The following TPM2 variants were observed in gnomAD, a reference collection of about 807,000 sequenced individuals.
TPM2 encodes tropomyosin 2, also known as tropomyosin beta chain.
A neutral mutation model predicts 41.0 loss-of-function variants in TPM2; 26 were observed. The observed-to-expected ratio is 0.63, with a 90% confidence interval of 0.46 to 0.88. The LOEUF is 0.88. Among genes scored for constraint, TPM2 ranks in the 40% least tolerant of loss-of-function variants. The pLI is 0.00. For missense variants in TPM2, 187 were observed against 355.2 expected (o/e 0.53, Z 3.81); for synonymous variants, 143 against 139.3 (o/e 1.03, Z -0.19).
chr9:35,683,388 C>A, intron 8 of TPM2, 147 bp from the exon 9 acceptor site: 1 of 780,942 alleles, frequency 1.3e-6, no homozygotes, highest in Non-Finnish European at 2.1e-6. Flanking sequence ...AGGGAACAGG[C>A]TGGACAGCTG....
intron 8 of TPM2, among the ~76,000 whole-genome samples, chr9:35,683,582 T>C (rs985964206): frequency 6.6e-6 from 1 of 152,106 alleles, no homozygotes; most frequent in African/African-American, 2.4e-5. Flanking sequence ...GCAAACCTCC[T>C]AAAGCTGGAG....
intron 1 of TPM2, 171 bp downstream of exon 1, chr9:35,689,533 A>T (rs1161571044): frequency 1.2e-6 from 1 of 822,276 alleles, no homozygotes; most frequent in African/African-American, 1.8e-5. Flanking sequence ...AGGCTATTGT[A>T]GGGGAGAGAA....
At chr9:35,688,468 T>C (rs1365993637) in intron 2 of TPM2, among the ~76,000 whole-genome samples, 2 of 152,064 alleles carry the variant, frequency 1.3e-5, no homozygotes, top group Non-Finnish European at 2.9e-5. Flanking sequence ...GGAAGTGAAG[T>C]CTGGTTGGGG....
chr9:35,689,707 C>T lies in TPM2; in HGVS notation c.111G>A (p.Lys37=). 1.2e-6 allele frequency: 2 copies of T among 1,613,470 alleles called. No homozygotes were observed. The highest frequency in any genetic ancestry group is 1.7e-6 in the Non-Finnish European group (2 of 1,179,742). The part of the protein sequence containing the change: ...ADKKQAEDRC[K]QLEEEQQALQ... ...CTGCACTGGGCCCGGCCCTAACCTG[C>T]TTGCAGCGGTCCTCAGCTTGCTTCT... is the stretch of plus-strand genomic sequence containing the variant. Residue 37 remains lysine (K), a synonymous_variant, in exon 1 of 9, where the codon AAG becomes AAA. Coordinates refer to ENST00000645482, the MANE Select transcript of TPM2 (RefSeq NM_003289.4).
At position 35,685,856 on chromosome 9, in the gene TPM2, G is replaced by A. The variant is rs537567909; in HGVS notation, c.241-76C>T. 31 of 1,607,380 alleles carry A rather than the reference G, an allele frequency of 1.9e-5. No individual in the cohort carries two copies. The highest frequency in any genetic ancestry group is 1.3e-4 in the South Asian group (12 of 90,850). On this transcript the variant is annotated intron_variant, in intron 2 of 8. Coordinates refer to ENST00000645482, the MANE Select transcript of TPM2 (RefSeq NM_003289.4). This position sits in a 1 kb window ranked among gnomAD's most constrained non-coding sequence, Gnocchi z 5.0. ...GATCAGAGAGGCTCCAGAGGATGGC[G>A]AGATTCTTCTCAGAAAGAACTGAGG...
At chr9:35,682,181 A>T, downstream of TPM2, 1 of 1,613,876 alleles carries the variant, frequency 6.2e-7, no homozygotes, top group Non-Finnish European at 8.5e-7. Context: ...GGGAAGCAGC[A>T]GGTGAGGGAG....
At position 35,685,092 on chromosome 9, in the gene TPM2, A is replaced by C. The variant is rs1824815076; in HGVS notation, c.563+177T>G. The C allele has an allele frequency of 6.2e-7, 1 of 1,614,016 alleles. No individual in the cohort carries two copies. The stretch of plus-strand genomic sequence containing the variant: ...CTCCTCTGAGGCCATCAGGGACTTG[A>C]GGGCCTGGTCCATGGTTCGAAGTTC... On this transcript the variant is annotated intron_variant, in intron 5 of 8. Transcript: ENST00000645482. This position sits in a 1 kb window ranked among gnomAD's most constrained non-coding sequence, Gnocchi z 5.0.
At position 35,685,910 on chromosome 9, in the gene TPM2, T is replaced by C. The variant is rs917112519; in HGVS notation, c.241-130A>G. On this transcript the variant is annotated intron_variant, in intron 2 of 8. Transcript: ENST00000645482. This position sits in a 1 kb window ranked among gnomAD's most constrained non-coding sequence, Gnocchi z 5.0. ...CCTGGTTTCTAGACATTCTATGTGA[T>C]TTTTCCCCAACCAATCATCTTCTGC... The C allele has an allele frequency of 1.4e-6, 2 of 1,471,992 alleles. No individual in the cohort carries two copies. The highest frequency in any genetic ancestry group is 1.9e-5 in the Admixed American group (1 of 52,674). 91.2% of individuals were successfully genotyped at this position (1,471,992 alleles called of 1,614,324 possible).
rs199758432 is a variant in TPM2 at position 35,684,738 on chromosome 9, C to T, written c.633G>A (p.Ala211=). 1.2e-4 allele frequency: 189 copies of T among 1,614,104 alleles called. No homozygotes were observed. Among genetic ancestry groups the T allele is most frequent in the East Asian group, 3.8e-4 (17 of 44,866 alleles). The part of the protein sequence containing the change: ...TNNLKSLEAQ[A]DKYSTKEDKY... ...CCCCTCTGCTCCCCTCTACCTTGTC[C>T]GCCTGGGCCTCCAGGGATTTCAAGT... Residue 211 remains alanine (A), a synonymous_variant, in exon 6 of 9, where the codon GCG becomes GCA. Coordinates refer to ENST00000645482, the MANE Select transcript of TPM2 (RefSeq NM_003289.4).
intron 2 of TPM2, chr9:35,686,481 C>T (rs908745545): frequency 1.3e-5 from 2 of 154,178 alleles, no homozygotes; most frequent in Admixed American, 1.3e-4. Flanking sequence ...GCCAACCAGA[C>T]ATCACTGCTG....
upstream of TPM2, chr9:35,690,005 G>T: frequency 5.5e-6 from 8 of 1,445,178 alleles, no homozygotes; most frequent in Non-Finnish European, 7.3e-6. Flanking sequence ...CCCCCACCTC[G>T]GCCCAAACCT....
At chr9:35,682,313 C>G (rs1394071328), downstream of TPM2, 1 of 985,770 alleles carries the variant, frequency 1.0e-6, no homozygotes, top group Non-Finnish European at 1.5e-6. Flanking sequence ...CAGGGACAAA[C>G]AGATGGACTG....
In TPM2 at chr9:35,685,029, C is replaced by T. The variant is rs369629567; in HGVS notation, c.564-222G>A. ...GGAGGGAAGGTGAGCTGAGAGAAGGCGCCATTGCCCAGAAAGGTTCAGAGG... is the reference window on the plus strand; with the variant it reads ...GGAGGGAAGGTGAGCTGAGAGAAGGTGCCATTGCCCAGAAAGGTTCAGAGG... On this transcript the variant is annotated intron_variant, in intron 5 of 8. Coordinates refer to ENST00000645482, the MANE Select transcript of TPM2 (RefSeq NM_003289.4). This position sits in a 1 kb window ranked among gnomAD's most constrained non-coding sequence, Gnocchi z 5.0. 50 of 1,614,062 alleles carry T rather than the reference C, an allele frequency of 3.1e-5. No homozygotes were observed. The highest frequency in any genetic ancestry group is 2.4e-4 in the East Asian group (11 of 44,898).
Position 35,689,090 on chromosome 9 carries a change from G to C in TPM2, c.240+56C>G. On this transcript the variant is annotated intron_variant, in intron 2 of 8. Transcript: ENST00000645482. ...CCCAATCCTCTTATTCCCATACCCG[G>C]GGGGCCCCTTCCCAGAGCCCTAACT... The C allele has an allele frequency of 5.6e-6, 9 of 1,607,448 alleles. No homozygotes were observed. In the South Asian group the frequency reaches 7.7e-5, roughly 14 times the overall value.
chr9:35,683,372 G>C (rs533475524), intron 8 of TPM2, 131 bp from the exon 9 acceptor site: 2 of 896,782 alleles, frequency 2.2e-6, no homozygotes, highest in South Asian at 1.5e-5. Context: ...GTGAGAGAGG[G>C]AGGCCAGGGA....
rs779425469 is a variant in TPM2, at chr9:35,684,297, ACT to A, written c.719_720del (p.Glu240ValfsTer15). On this transcript the variant is annotated frameshift_variant, in exon 8 of 9. Transcript: ENST00000645482. LOFTEE classifies it high-confidence loss of function. ...AACTTTGCCACAGACCTCTCGGCAA[ACT>A]CTGCTCGGGTCTCAGCCTGGGGGTA... ...EKLKEAETRA[E>X]FAERSVAKLE... 3 of 1,613,954 alleles carry A rather than the reference ACT, an allele frequency of 1.9e-6. No homozygotes were observed. The highest frequency in any genetic ancestry group is 2.7e-5 in the African/African-American group (2 of 74,876).
intron 2 of TPM2, among the ~76,000 whole-genome samples, chr9:35,687,583 G>A (rs370531163): frequency 2.0e-5 from 3 of 151,964 alleles, no homozygotes; most frequent in African/African-American, 7.3e-5. Flanking sequence ...TTGTCTTCCA[G>A]GTGCTGAAGG....
In TPM2 at chr9:35,684,261, T is replaced by C. The variant is rs1476739780; in HGVS notation, c.757A>G (p.Ile253Val). 1.9e-6 allele frequency: 3 copies of C among 1,614,180 alleles called. No individual in the cohort carries two copies. The highest frequency in any genetic ancestry group is 2.5e-6 in the Non-Finnish European group (3 of 1,180,016). The change falls in exon 8 of 9, where the codon ATC (isoleucine) becomes GTC (valine). Residue 253 changes from isoleucine to valine, a missense_variant. Ile to Val is a conservative substitution (Grantham distance 29, BLOSUM62 3). Coordinates refer to ENST00000645482, the MANE Select transcript of TPM2 (RefSeq NM_003289.4). ...ERSVAKLEKT[I>V]DDLEDEVYAQ... The stretch of plus-strand genomic sequence containing the variant: ...CTTCTTTTACCTTCTAGGTCATCGA[T>C]GGTTTTCTCCAACTTTGCCACAGAC...
In TPM2 at chr9:35,689,824, G is replaced by T. The variant is rs1587967788; in HGVS notation, c.-7C>A. 6.2e-7 allele frequency: 1 copy of T among 1,613,506 alleles called. No homozygotes were observed. The highest frequency in any genetic ancestry group is 8.5e-7 in the Non-Finnish European group (1 of 1,179,604). ...TCTTCTTGATGGCGTCCATGGCTGCGGTGGGGGGTGGGCCGGCCGGCAGGC... is the reference window on the plus strand; with the variant it reads ...TCTTCTTGATGGCGTCCATGGCTGCTGTGGGGGGTGGGCCGGCCGGCAGGC... On this transcript the variant is annotated 5_prime_UTR_variant, in exon 1 of 9. Transcript: ENST00000645482.
Sources: gnomAD v4.1 joint callset for allele counts (sites outside exome capture counted in the v4.1 genomes callset) on GRCh38, gnomAD v4.1.1 for gene constraint, Gnocchi (gnomAD v3.1) non-coding constraint, MANE v1.5 for transcripts, NCBI Gene and HGNC (gene_info 2026-07-23, HGNC 2026-07-21) for gene names.